The following NEGR1 variants were observed in gnomAD, a reference collection of about 807,000 sequenced individuals.
NEGR1 encodes the protein IgLON family member 4.
In NEGR1, 10 loss-of-function variants were observed where a neutral mutation model predicts 40.9. The ratio of observed to expected loss-of-function variants is 0.24; its 90% CI spans 0.15 to 0.42. The LOEUF is 0.42. NEGR1 is among the 10% of genes least tolerant of loss of function. The pLI is 1.00. For missense variants in NEGR1, 352 were observed against 438.9 expected (o/e 0.80, Z 1.77); for synonymous variants, 185 against 166.8 (o/e 1.11, Z -0.84).
Position 71,989,884 on chromosome 1 carries a change from T to C in NEGR1, c.177-54573A>G, listed in dbSNP as rs186693063. Reference sequence around the variant, plus strand: ...TATACCATTGCAGTTAATGTTTTTTTAATCACTCATCATATGTAAATCCCA... The same window carrying C: ...TATACCATTGCAGTTAATGTTTTTTCAATCACTCATCATATGTAAATCCCA... On this transcript the variant is annotated intron_variant, in intron 1 of 6. Coordinates refer to ENST00000357731, the MANE Select transcript of NEGR1 (RefSeq NM_173808.3). 3.9e-5 allele frequency among the ~76,000 whole-genome samples: 6 copies of C among 152,320 alleles called. No individual in the cohort carries two copies. In the South Asian group the frequency reaches 1.2e-3, roughly 32 times the overall value.
intron 4 of NEGR1, 71 bp from the exon 5 acceptor site, chr1:71,611,217 A>G (rs901642712): frequency 1.5e-6 from 2 of 1,370,736 alleles, no homozygotes; most frequent in African/African-American, 2.9e-5. Flanking sequence ...TATGACACAC[A>G]TATATTTTTA....
chr1:71,759,709 A>G (rs1030888644), intron 3 of NEGR1, among the ~76,000 whole-genome samples: 2 of 137,414 alleles, frequency 1.5e-5, no homozygotes, highest in African/African-American at 5.4e-5. Flanking sequence ...TTCTGGGTTC[A>G]TGCGATCCTT....
rs907467742 is a variant in NEGR1 at position 72,001,127 on chromosome 1, G to A, written c.177-65816C>T. 1.2e-4 allele frequency among the ~76,000 whole-genome samples: 18 copies of A among 152,182 alleles called. 1 individual carries two copies. The highest frequency in any genetic ancestry group is 9.2e-4 in the Admixed American group (14 of 15,290). The stretch of plus-strand genomic sequence containing the variant: ...GACAGGGTACAGTTACCAGAAATTC[G>A]TGATTTATGCAAATGAGATGCCCAG... On this transcript the variant is annotated intron_variant, in intron 1 of 6. Coordinates refer to ENST00000357731, the MANE Select transcript of NEGR1 (RefSeq NM_173808.3).
intron 1 of NEGR1, among the ~76,000 whole-genome samples, chr1:72,259,845 G>A (rs1380789445): frequency 6.6e-6 from 1 of 152,058 alleles, no homozygotes; most frequent in East Asian, 1.9e-4. Flanking sequence ...AAATCGCTAT[G>A]CAGGTAGAGT....
intron 1 of NEGR1, among the ~76,000 whole-genome samples, chr1:72,186,180 G>A (rs1164440448): frequency 6.6e-6 from 1 of 151,652 alleles, no homozygotes; most frequent in Non-Finnish European, 1.5e-5. Flanking sequence ...ATGTAACAAA[G>A]TTTACATCAT....
At chr1:71,571,649 C>T (rs1648811655) in intron 6 of NEGR1, among the ~76,000 whole-genome samples, 1 of 151,928 alleles carries the variant, frequency 6.6e-6, no homozygotes, top group Non-Finnish European at 1.5e-5. Flanking sequence ...AAAATTTAGC[C>T]AGACAGGGTG....
intron 2 of NEGR1, among the ~76,000 whole-genome samples, chr1:71,844,300 C>T (rs577139453): frequency 1.2e-4 from 19 of 152,246 alleles, no homozygotes; most frequent in Admixed American, 3.9e-4. Context: ...CCTTTGTAAA[C>T]ACTTGTGTTT....
intron 1 of NEGR1, among the ~76,000 whole-genome samples, chr1:72,063,704 A>G (rs1036283593): frequency 2.6e-5 from 4 of 151,880 alleles, no homozygotes; most frequent in African/African-American, 7.2e-5. Context: ...AATTTTTAGC[A>G]GGTCACAAAA....
At chr1:72,097,814 T>G (rs2100236797) in intron 1 of NEGR1, among the ~76,000 whole-genome samples, 1 of 152,328 alleles carries the variant, frequency 6.6e-6, no homozygotes, top group South Asian at 2.1e-4. Context: ...TGACTCATTC[T>G]TAGGGGAAGA....
chr1:71,642,351 G>T (rs1461041019), intron 4 of NEGR1, among the ~76,000 whole-genome samples: 1 of 151,532 alleles, frequency 6.6e-6, no homozygotes, highest in Non-Finnish European at 1.5e-5. Context: ...TGAATGAAGT[G>T]TAATTCATTG....
intron 2 of NEGR1, among the ~76,000 whole-genome samples, chr1:71,910,642 C>A (rs1661399687): frequency 6.6e-6 from 1 of 152,116 alleles, no homozygotes; most frequent in Admixed American, 6.5e-5. Flanking sequence ...AAATCTTAAG[C>A]TTTTAAAGTA....
intron 3 of NEGR1, among the ~76,000 whole-genome samples, chr1:71,706,844 G>A (rs1043370394): frequency 1.3e-5 from 2 of 151,854 alleles, no homozygotes; most frequent in African/African-American, 4.8e-5. Context: ...AACCAGCAAC[G>A]ATACCCAGGT....
At chr1:72,176,493 GGGTCCAGAGAA>G (rs547165261) in intron 1 of NEGR1, among the ~76,000 whole-genome samples, 53 of 152,078 alleles carry the variant, frequency 3.5e-4, no homozygotes, top group Admixed American at 7.2e-4. Context: ...ATTATTATGA[GGGTCCAGAGAA>G]GGACTAAATC....
chr1:71,524,717 T>C (rs1647196769), intron 6 of NEGR1, among the ~76,000 whole-genome samples: 1 of 151,680 alleles, frequency 6.6e-6, no homozygotes, highest in South Asian at 2.1e-4. Context: ...GCAGATTGGA[T>C]TATGATTAGC....
chr1:71,974,922 A>T (rs762546613), intron 1 of NEGR1, among the ~76,000 whole-genome samples: 13 of 152,166 alleles, frequency 8.5e-5, no homozygotes, highest in Non-Finnish European at 1.8e-4. Flanking sequence ...ATAAATATAT[A>T]TTCCTTTATG....
At chr1:71,489,152 G>A (rs1646908005) in intron 6 of NEGR1, among the ~76,000 whole-genome samples, 1 of 151,666 alleles carries the variant, frequency 6.6e-6, no homozygotes, top group Non-Finnish European at 1.5e-5. Flanking sequence ...AGCCAAATGA[G>A]GCAAATATTC....
chr1:71,845,179 G>A (rs1659363850), intron 2 of NEGR1, among the ~76,000 whole-genome samples: 1 of 152,020 alleles, frequency 6.6e-6, no homozygotes, highest in Admixed American at 6.6e-5. Context: ...TCTACATAGC[G>A]CTCAGAGAGT....
intron 2 of NEGR1, among the ~76,000 whole-genome samples, chr1:71,896,573 C>A (rs1169311979): frequency 6.6e-6 from 1 of 151,858 alleles, no homozygotes; most frequent in East Asian, 1.9e-4. Flanking sequence ...TCTATTTTTT[C>A]TTTGATGCTT....
At chr1:71,654,019 G>T (rs1301589377) in intron 4 of NEGR1, among the ~76,000 whole-genome samples, 1 of 152,082 alleles carries the variant, frequency 6.6e-6, no homozygotes, top group Non-Finnish European at 1.5e-5. Flanking sequence ...ACTTAAAAGA[G>T]ATGAGCTATG....
Sources: gnomAD v4.1 joint callset for allele counts (sites outside exome capture counted in the v4.1 genomes callset) on GRCh38, gnomAD v4.1.1 for gene constraint, MANE v1.5 for transcripts, NCBI Gene and HGNC (gene_info 2026-07-23, HGNC 2026-07-21) for gene names.